TTC6: variants seen among roughly 807,000 people sequenced by gnomAD.
TTC6 encodes the protein tetratricopeptide repeat domain 6.
Under a neutral mutation model 210.4 loss-of-function variants are expected in TTC6, and 172 were observed. The observed-to-expected ratio is 0.82, with a 90% CI of 0.72 to 0.93. TTC6 has a LOEUF of 0.93. Ranked by LOEUF, TTC6 falls within the 40% of genes least tolerant of loss-of-function variation. The pLI, the probability that TTC6 is intolerant of heterozygous loss-of-function variation, is 0.00. For missense variants in TTC6, 2,414 were observed against 2,318.1 expected (o/e 1.04, Z -0.85); for synonymous variants, 804 against 819.6 (o/e 0.98, Z 0.32).
At chr14:37,764,114 G>C (rs2095991999) in intron 14 of TTC6, among the ~76,000 whole-genome samples, 1 of 151,758 alleles carries the variant, frequency 6.6e-6, no homozygotes, top group African/African-American at 2.4e-5. Flanking sequence ...TTGTTTTCTA[G>C]TTTTATCCAT....
intron 13 of TTC6, among the ~76,000 whole-genome samples, chr14:37,751,444 A>C (rs961825970): frequency 6.6e-6 from 1 of 152,166 alleles, no homozygotes; most frequent in Non-Finnish European, 1.5e-5. Context: ...TTACATCAGA[A>C]TTGAGTGTGG....
chr14:37,660,558 A>G (rs2095735321), intron 1 of TTC6, among the ~76,000 whole-genome samples: 2 of 152,078 alleles, frequency 1.3e-5, no homozygotes, highest in South Asian at 2.1e-4. Context: ...TCCATGGTGT[A>G]TATGTACCAC....
At chr14:37,768,410 A>G (rs112879852) in intron 14 of TTC6, among the ~76,000 whole-genome samples, 1 of 150,520 alleles carries the variant, frequency 6.6e-6, no homozygotes, top group Non-Finnish European at 1.5e-5. Context: ...CATTTTCACG[A>G]TATTGATTCT....
At chr14:37,618,261 T>C (rs1182217200), upstream of TTC6, among the ~76,000 whole-genome samples, 2 of 152,210 alleles carry the variant, frequency 1.3e-5, no homozygotes, top group Non-Finnish European at 2.9e-5. Flanking sequence ...AGAACTTTCT[T>C]CTGATGGCTG....
chr14:37,826,497 G>T, intron 28 of TTC6, 150 bp downstream of exon 30: 2 of 743,074 alleles, frequency 2.7e-6, no homozygotes. Context: ...GATCCCTAGG[G>T]TAAAGAGTTA....
chr14:37,684,485 C>A (rs1215586065), intron 3 of TTC6, among the ~76,000 whole-genome samples: 1 of 152,012 alleles, frequency 6.6e-6, no homozygotes, highest in Non-Finnish European at 1.5e-5. Context: ...AAGAAGCATT[C>A]TAGGAAGAAG....
intron 3 of TTC6, among the ~76,000 whole-genome samples, chr14:37,683,860 A>T (rs979893155): frequency 6.6e-6 from 1 of 152,064 alleles, no homozygotes; most frequent in Non-Finnish European, 1.5e-5. Flanking sequence ...TTAAAAATAG[A>T]TATATTATTA....
intron 7 of TTC6, 57 bp downstream of exon 9, chr14:37,725,059 ATTGTATAATTGGC>A (rs1468694335): frequency 2.0e-6 from 2 of 979,214 alleles, no homozygotes; most frequent in African/African-American, 3.3e-5. Flanking sequence ...TAATAAATAA[ATTGTATAATTGGC>A]TATGACATTC....
At chr14:37,824,927 C>T (rs1406664813) in intron 27 of TTC6, among the ~76,000 whole-genome samples, 4 of 151,902 alleles carry the variant, frequency 2.6e-5, no homozygotes, top group Non-Finnish European at 2.9e-5. Context: ...GCCTTATGGT[C>T]CAGTTAAAAA....
In TTC6 at chr14:37,608,298, G is replaced by A. The variant is rs183527357; in HGVS notation, c.-155+1556G>A. 7.8e-4 allele frequency among the ~76,000 whole-genome samples: 118 copies of A among 152,126 alleles called. 2 individuals carry two copies. In the Middle Eastern group the frequency reaches 0.048, roughly 61 times the overall value. ...TTACAAGTTTTTTTTGTGTGTGTGT[G>A]TGTGTGTGTTTTTGTTGTTGTTGTT... On this transcript the variant is annotated intron_variant, in intron 2 of 2. Coordinates refer to the TTC6 transcript ENST00000556845.
intron 7 of TTC6, among the ~76,000 whole-genome samples, chr14:37,728,370 A>G (rs1762642907): frequency 6.6e-6 from 1 of 151,912 alleles, no homozygotes; most frequent in Non-Finnish European, 1.5e-5. Context: ...ACTTGAGGCC[A>G]GGAGTTGGAG....
chr14:37,685,802 G>A (rs2095792597), intron 3 of TTC6, among the ~76,000 whole-genome samples: 1 of 152,144 alleles, frequency 6.6e-6, no homozygotes, highest in African/African-American at 2.4e-5. Flanking sequence ...TGCTGCAGTG[G>A]GAGAGGTGCC....
At chr14:37,625,805 C>T (rs1008188286) in intron 1 of TTC6, among the ~76,000 whole-genome samples, 3 of 152,112 alleles carry the variant, frequency 2.0e-5, no homozygotes, top group Non-Finnish European at 4.4e-5. Context: ...TTGTTGAGAG[C>T]TTGGGAAAGG....
chr14:37,679,953 G>T (rs2138540434), intron 1 of TTC6, among the ~76,000 whole-genome samples, 198 bp from the exon 4 acceptor site: 1 of 152,088 alleles, frequency 6.6e-6, no homozygotes, highest in East Asian at 1.9e-4. Flanking sequence ...GCCTCCCAAA[G>T]TGCCGGGATT....
intron 29 of TTC6, among the ~76,000 whole-genome samples, chr14:37,828,897 T>A (rs2096178378): frequency 6.6e-6 from 1 of 152,084 alleles, no homozygotes; most frequent in Non-Finnish European, 1.5e-5. Flanking sequence ...TGAGGGTTCC[T>A]ATATATTTCT....
At chr14:37,773,376 C>T in intron 14 of TTC6, among the ~76,000 whole-genome samples, 1 of 152,246 alleles carries the variant, frequency 6.6e-6, no homozygotes, top group East Asian at 1.9e-4. Context: ...ACTAGGTTAT[C>T]ATGCAGAGGT....
chr14:37,806,325 C>T (rs1302805391), intron 21 of TTC6, 36 bp from the exon 24 acceptor site: 2 of 1,518,562 alleles, frequency 1.3e-6, no homozygotes, highest in Non-Finnish European at 8.8e-7. Flanking sequence ...TATTATATCA[C>T]TAAATGGTTT....
chr14:37,709,562 C>T (rs1435912564), intron 5 of TTC6, among the ~76,000 whole-genome samples: 2 of 150,308 alleles, frequency 1.3e-5, no homozygotes, highest in African/African-American at 2.5e-5. Context: ...GTTACCATAA[C>T]TGCCAATATG....
chr14:37,776,049 T>TCATCTTGCCACTGTATGCC (rs1403864077), intron 14 of TTC6, among the ~76,000 whole-genome samples: 6 of 49,220 alleles, frequency 1.2e-4, no homozygotes, highest in East Asian at 5.0e-4. Context: ...GATTCTTTTT[T>TCATCTTGCCACTGTATGCC]TTTTTTTTTT....
Sources: allele counts gnomAD v4.1 joint callset (sites outside exome capture counted in the v4.1 genomes callset), GRCh38; gene constraint gnomAD v4.1.1; transcripts MANE v1.5; gene names NCBI Gene and HGNC (gene_info 2026-07-23, HGNC 2026-07-21).